Variants in SLC7A10 observed in about 807,000 individuals in gnomAD.
SLC7A10 encodes asc-type amino acid transporter 1.
SLC7A10 carries 30 observed loss-of-function variants against 52.7 expected under a neutral mutation model. The observed-to-expected ratio is 0.57, with a 90% CI of 0.43 to 0.77. SLC7A10 has a LOEUF of 0.77. SLC7A10 is among the 30% of genes least tolerant of loss of function. The pLI is 0.00. For synonymous variants in SLC7A10, 318 were observed against 314.9 expected (o/e 1.01, Z -0.10); for missense variants, 581 against 698.5 (o/e 0.83, Z 1.90).
intron 1 of SLC7A10, among the ~76,000 whole-genome samples, chr19:33,218,608 G>A (rs1460189455): frequency 1.3e-5 from 2 of 150,696 alleles, no homozygotes; most frequent in Non-Finnish European, 3.0e-5. Context: ...GGACAGGGAT[G>A]GGGGCCTCCA....
chr19:33,212,240 C>T, intron 5 of SLC7A10, 52 bp downstream of exon 5: 1 of 1,561,944 alleles, frequency 6.4e-7, no homozygotes, highest in Non-Finnish European at 8.7e-7. Flanking sequence ...GGCTGCCTGT[C>T]CCACCAGAGG....
At chr19:33,225,183 G>A (rs991668903) in intron 1 of SLC7A10, among the ~76,000 whole-genome samples, 4 of 152,216 alleles carry the variant, frequency 2.6e-5, no homozygotes, top group African/African-American at 4.8e-5. Flanking sequence ...AGCCTGACCA[G>A]CCCCTACACT....
intron 10 of SLC7A10, 138 bp downstream of exon 10, chr19:33,209,170 G>T: frequency 6.6e-7 from 1 of 1,520,434 alleles, no homozygotes; most frequent in Non-Finnish European, 9.0e-7. Context: ...CTTGGGAAGA[G>T]ACATTTGGTG....
Position 33,217,637 on chromosome 19 carries a change from G to A in SLC7A10, c.152-1664C>T, listed in dbSNP as rs143396987. ...ACACCAGACCGGGTCCTGAGAGGAC[G>A]GGTCCATCTCCCTCAGAGCGGGAGC... is the stretch of plus-strand genomic sequence containing the variant. On this transcript the variant is annotated intron_variant, in intron 1 of 10. Transcript: ENST00000253188. Among the ~76,000 whole-genome samples the A allele has an allele frequency of 6.3e-3, 967 of 152,288 alleles. 8 individuals are homozygous for A. Among genetic ancestry groups the A allele is most frequent in the South Asian group, 0.011 (55 of 4,830 alleles).
chr19:33,219,924 G>C (rs1369793482), intron 1 of SLC7A10: 1 of 152,232 alleles, frequency 6.6e-6, no homozygotes, highest in Non-Finnish European at 1.5e-5. Flanking sequence ...GAGGCCATGG[G>C]AAGTGCTTTT....
chr19:33,223,957 A>ACCACCACCACCG (rs1568397171), intron 1 of SLC7A10, among the ~76,000 whole-genome samples: 1 of 25,194 alleles, frequency 4.0e-5, no homozygotes, highest in Non-Finnish European at 1.4e-4. Context: ...CACCACCACC[A>ACCACCACCACCG]CCACCACCAC....
Position 33,212,989 on chromosome 19 carries a change from A to G in SLC7A10, c.370T>C (p.Trp124Arg). 1 of 1,609,622 alleles carries G rather than the reference A, an allele frequency of 6.2e-7. No individual in the cohort carries two copies. Among genetic ancestry groups the G allele is most frequent in the Non-Finnish European group, 8.5e-7 (1 of 1,178,000 alleles). The stretch of plus-strand genomic sequence containing the variant: ...GGGTACATGATGAGGACGGCGCTCC[A>G]GAGCAGCAGAAAGCTGGAAGGAGCA... ...FGGLAGFLLL[W>R]SAVLIMYPTS... Residue 124 changes from tryptophan to arginine, a missense_variant, in exon 3 of 11, where the codon TGG becomes CGG. Trp to Arg is a moderately radical substitution (Grantham distance 101). Transcript: ENST00000253188.
Position 33,208,891 on chromosome 19 carries a change from T to C in SLC7A10, c.1572A>G (p.Ter524TrpextTer6), listed in dbSNP as rs748004524. The C allele has an allele frequency of 6.2e-7, 1 of 1,603,836 alleles. No homozygotes were observed. The highest frequency in any genetic ancestry group is 1.1e-5 in the South Asian group (1 of 90,904). ...PATDKPSKPQ[*>W] ...AACTGCTTCAGTCTCTACAAAAATCTCATTGTGGCTTCGAGGGCTTGTCTG... is the reference window on the plus strand; with the variant it reads ...AACTGCTTCAGTCTCTACAAAAATCCCATTGTGGCTTCGAGGGCTTGTCTG... Residue 524 changes from the stop codon to tryptophan, a stop_lost, in exon 11 of 11, where the codon TGA (stop) becomes TGG (tryptophan). Coordinates refer to ENST00000253188, the MANE Select transcript of SLC7A10 (RefSeq NM_019849.3). The surrounding 1 kb of genome is among the most constrained non-coding windows in gnomAD (Gnocchi z 4.7).
rs139131448 is a variant in SLC7A10 at position 33,212,541 on chromosome 19, C to T, written c.607G>A (p.Gly203Ser). The T allele has an allele frequency of 5.5e-5, 88 of 1,614,034 alleles. No homozygotes were observed. The highest frequency in any genetic ancestry group is 6.7e-5 in the African/African-American group (5 of 75,070). Residue 203 changes from glycine (G) to serine (S), a missense_variant, in exon 4 of 11, where the codon GGC becomes AGC. Physicochemically the swap from Gly to Ser is moderately conservative, Grantham distance 56. Transcript: ENST00000253188. ...TGGAAGATCTGGAGAAGGCCCACGC[C>T]GATGATGAGGGACAAGGCCAGCAGC... is the stretch of plus-strand genomic sequence containing the variant. ...GKLLALSLII[G>S]VGLLQIFQGH... is the part of the protein sequence containing the mutation.
Position 33,212,996 on chromosome 19 carries a change from C to T in SLC7A10, c.363G>A (p.Leu121=), listed in dbSNP as rs760993435. ...TGATGAGGACGGCGCTCCAGAGCAG[C>T]AGAAAGCTGGAAGGAGCAGGGGCGG... ...TEIFGGLAGF[L]LLWSAVLIMY... The change falls in exon 3 of 11, where the codon CTG becomes CTA. Residue 121 remains leucine (L), a synonymous_variant. Transcript: ENST00000253188. The T allele has an allele frequency of 1.2e-6, 2 of 1,606,640 alleles. 1 individual carries two copies. Among genetic ancestry groups the T allele is most frequent in the South Asian group, 2.2e-5 (2 of 90,366 alleles).
rs1974657062 is a variant in SLC7A10 at position 33,215,607 on chromosome 19, G to GCCCCCACACCTTCTCTCCATCCAGCA, written c.356+161_356+162insTGCTGGATGGAGAGAAGGTGTGGGGG. Among the ~76,000 whole-genome samples the GCCCCCACACCTTCTCTCCATCCAGCA allele has an allele frequency of 8.1e-5, 9 of 110,482 alleles. 1 individual carries two copies. The highest frequency in any genetic ancestry group is 5.5e-4 in the South Asian group (2 of 3,660). 72.5% of individuals were successfully genotyped at this position (110,482 alleles called of 152,430 possible). A position where few individuals can be genotyped will look rare whatever the true frequency, so the allele number is the denominator to read the frequency against. On this transcript the variant is annotated intron_variant, in intron 2 of 10. Coordinates refer to ENST00000253188, the MANE Select transcript of SLC7A10 (RefSeq NM_019849.3). The stretch of plus-strand genomic sequence containing the variant: ...CACCCCCACACCTTCTCTCCATCCA[G>GCCCCCACACCTTCTCTCCATCCAGCA]CCCCCACACCTTCTCTCCATCCACC...
rs1266602351 is a variant in SLC7A10, at chr19:33,212,884, T to G, written c.475A>C (p.Thr159Pro). ...PVFPNCIPPT[T>P]ASRVLSMACL... ...GCCATGGACAGCACCCGGGAGGCTG[T>G]GGTGGGGGGGATGCAGTTGGGGAAC... The change falls in exon 3 of 11, where the codon ACA (threonine) becomes CCA (proline). Residue 159 changes from threonine (T) to proline (P), a missense_variant. Coordinates refer to ENST00000253188, the MANE Select transcript of SLC7A10 (RefSeq NM_019849.3). 1 of 1,613,660 alleles carries G rather than the reference T, an allele frequency of 6.2e-7. No individual in the cohort carries two copies. Among genetic ancestry groups the G allele is most frequent in the East Asian group, 2.2e-5 (1 of 44,872 alleles).
intron 2 of SLC7A10, among the ~76,000 whole-genome samples, chr19:33,213,264 A>G (rs1568390372): frequency 6.6e-6 from 1 of 151,128 alleles, no homozygotes; most frequent in African/African-American, 2.4e-5. Flanking sequence ...GGAACAACAT[A>G]GGCACCAAAC....
rs1974516587 is a variant in SLC7A10 at position 33,210,400 on chromosome 19, G to A, written c.1263+67C>T. ...ACCTCCCATCCCACCTGCCCCTGGTGCCCACTGTGGATGCAGGGGTGGCTC... is the reference window on the plus strand; with the variant it reads ...ACCTCCCATCCCACCTGCCCCTGGTACCCACTGTGGATGCAGGGGTGGCTC... On this transcript the variant is annotated intron_variant, in intron 9 of 10. Transcript: ENST00000253188. The surrounding 1 kb of genome is among the most constrained non-coding windows in gnomAD (Gnocchi z 5.6). The A allele has an allele frequency of 6.5e-7, 1 of 1,528,802 alleles. No homozygotes were observed. The highest frequency in any genetic ancestry group is 2.0e-5 in the Admixed American group (1 of 51,030). 94.7% of individuals were successfully genotyped at this position (1,528,802 alleles called of 1,614,324 possible). A position where few individuals can be genotyped will look rare whatever the true frequency, so the allele number is the denominator to read the frequency against.
chr19:33,215,617 CTTCT>C, intron 2 of SLC7A10, 148 bp downstream of exon 2: 1 of 585,442 alleles, frequency 1.7e-6, no homozygotes, highest in South Asian at 2.9e-5. Context: ...GCCCCCACAC[CTTCT>C]CTCCATCCAC....
Position 33,209,370 on chromosome 19 carries a change from A to G in SLC7A10, c.1379T>C (p.Val460Ala). The change falls in exon 10 of 11, where the codon GTG becomes GCG. Residue 460 changes from valine to alanine, a missense_variant. By Grantham distance (64) the Val-to-Ala change is moderately conservative. Coordinates refer to ENST00000253188, the MANE Select transcript of SLC7A10 (RefSeq NM_019849.3). ...GVGVIIILTG[V>A]PIFFLGVFWR... ...GAACACTCCCAGAAAGAAAATGGGC[A>G]CCCCCGTAAGGATGATGATGACGCC... 1 of 1,613,920 alleles carries G rather than the reference A, an allele frequency of 6.2e-7. No homozygotes were observed. The highest frequency in any genetic ancestry group is 1.1e-5 in the South Asian group (1 of 91,066).
In SLC7A10 at chr19:33,212,693, C is replaced by G. The variant is rs73575734; in HGVS notation, c.509-54G>C. 6.7e-3 allele frequency: 10,811 copies of G among 1,612,772 alleles called. 655 individuals are homozygous for G. The African/African-American group carries it at 0.13, about 19-fold the overall frequency. On this transcript the variant is annotated intron_variant, in intron 3 of 10. Transcript: ENST00000253188. ...GAGGCCGGGACCTTTCACAGTGGAC[C>G]ATGGCCAAGTCCAGCCCAGGCGGCC... is the stretch of plus-strand genomic sequence containing the variant.
At chr19:33,209,585 G>T in intron 9 of SLC7A10, 100 bp from the exon 10 acceptor site, 1 of 1,315,416 alleles carries the variant, frequency 7.6e-7, no homozygotes, top group Non-Finnish European at 1.0e-6. Flanking sequence ...TTCCCTGGGA[G>T]CTGAGGCCTG....
At chr19:33,215,641 CTTCTCTCCATCCACCCCCACG>C in intron 2 of SLC7A10, 107 bp downstream of exon 2, 3 of 988,922 alleles carry the variant, frequency 3.0e-6, no homozygotes, top group South Asian at 1.6e-5. Flanking sequence ...CCCCCCACAC[CTTCTCTCCATCCACCCCCACG>C]ACCTCCCTAG....
Sources: gnomAD v4.1 joint callset for allele counts (sites outside exome capture counted in the v4.1 genomes callset) on GRCh38, gnomAD v4.1.1 for gene constraint, Gnocchi (gnomAD v3.1) non-coding constraint, MANE v1.5 for transcripts, NCBI Gene and HGNC (gene_info 2026-07-23, HGNC 2026-07-21) for gene names.